The following ARL15 variants were observed in gnomAD, a reference collection of about 807,000 sequenced individuals.
ARL15 encodes the protein ADP-ribosylation factor-like protein 15.
In ARL15, 19 loss-of-function variants were observed where a neutral mutation model predicts 25.2. The ratio of observed to expected loss-of-function variants is 0.75; its 90% CI spans 0.53 to 1.10. The LOEUF is 1.10. Ranked by LOEUF, ARL15 falls within the 50% of genes least tolerant of loss-of-function variation. The pLI is 0.00. For synonymous variants in ARL15, 94 were observed against 86.8 expected (o/e 1.08, Z -0.46); for missense variants, 220 against 246.0 (o/e 0.89, Z 0.71).
intron 4 of ARL15, among the ~76,000 whole-genome samples, chr5:53,983,678 C>A (rs1004364048): frequency 2.6e-5 from 4 of 152,096 alleles, no homozygotes; most frequent in African/African-American, 4.8e-5. Context: ...GCCCTTAATT[C>A]CCCCTTTTAA....
At position 53,886,506 on chromosome 5, in the gene ARL15, G is replaced by C; in HGVS notation, c.*55C>G. 1 of 1,502,346 alleles carries C rather than the reference G, an allele frequency of 6.7e-7. No individual in the cohort carries two copies. Among genetic ancestry groups the C allele is most frequent in the Middle Eastern group, 1.8e-4 (1 of 5,522 alleles). 93.1% of individuals were successfully genotyped at this position (1,502,346 alleles called of 1,614,324 possible). A position where few individuals can be genotyped will look rare whatever the true frequency, so the allele number is the denominator to read the frequency against. On this transcript the variant is annotated 3_prime_UTR_variant, in exon 5 of 5. Transcript: ENST00000504924. ...TGATACCAAAATAAAATTAAAATGA[G>C]AAACTAACATGATAGGTTCAAGGCC...
At chr5:54,048,505 C>A (rs57068431) in intron 4 of ARL15, among the ~76,000 whole-genome samples, 1 of 150,204 alleles carries the variant, frequency 6.7e-6, no homozygotes, top group Non-Finnish European at 1.5e-5. Context: ...TGGGTTCAAG[C>A]GATTCTCCTG....
At chr5:53,910,633 T>TTA (rs70986649) in intron 4 of ARL15, among the ~76,000 whole-genome samples, 3,272 of 54,802 alleles carry the variant, frequency 0.06, 74 homozygotes, top group East Asian at 0.12. Context: ...TAAAAAAAAA[T>TTA]TATATATATA....
Position 54,180,090 on chromosome 5 carries a change from A to G in ARL15, c.49-8162T>C, listed in dbSNP as rs146842142. ...TCCAACCCTAAGCACAGCAGTAAGGAAAAAAATCTCTTTTGAAACAGCCTC... is the reference window on the plus strand; with the variant it reads ...TCCAACCCTAAGCACAGCAGTAAGGGAAAAAATCTCTTTTGAAACAGCCTC... On this transcript the variant is annotated intron_variant, in intron 1 of 4. Transcript: ENST00000504924. Among the ~76,000 whole-genome samples, 905 of 152,078 alleles carry G rather than the reference A, an allele frequency of 6.0e-3. 13 individuals are homozygous for G. Among genetic ancestry groups the G allele is most frequent in the African/African-American group, 0.021 (853 of 41,500 alleles).
intron 4 of ARL15, among the ~76,000 whole-genome samples, chr5:53,969,028 T>C (rs1159722094): frequency 6.6e-6 from 1 of 151,848 alleles, no homozygotes; most frequent in Non-Finnish European, 1.5e-5. Context: ...CAGGTGCCTG[T>C]AATCTCAGCT....
chr5:54,214,987 C>T (rs1756146859), intron 1 of ARL15, among the ~76,000 whole-genome samples: 1 of 151,942 alleles, frequency 6.6e-6, no homozygotes, highest in South Asian at 2.1e-4. Flanking sequence ...CATGAAAGGG[C>T]AAAATCTGGC....
At chr5:54,272,288 G>A (rs1034017551) in intron 1 of ARL15, among the ~76,000 whole-genome samples, 6 of 151,676 alleles carry the variant, frequency 4.0e-5, no homozygotes, top group Admixed American at 6.6e-5. Context: ...CCCAAACTAC[G>A]GATATGAGTA....
chr5:54,088,461 T>C (rs1579785935), intron 4 of ARL15, among the ~76,000 whole-genome samples: 1 of 152,204 alleles, frequency 6.6e-6, no homozygotes, highest in East Asian at 1.9e-4. Context: ...AATCATCTAT[T>C]TGGCCATTGA....
At chr5:53,913,326 T>C (rs1745527022) in intron 4 of ARL15, among the ~76,000 whole-genome samples, 1 of 152,152 alleles carries the variant, frequency 6.6e-6, no homozygotes, top group Non-Finnish European at 1.5e-5. Context: ...AAAGCAGGGT[T>C]GTCATCTCTC....
At chr5:54,273,292 G>T (rs28712367) in intron 1 of ARL15, among the ~76,000 whole-genome samples, 4,948 of 152,232 alleles carry the variant, frequency 0.033, 160 homozygotes, top group African/African-American at 0.082. Flanking sequence ...ACTTAAAAAA[G>T]CAACACCAAT....
chr5:54,164,700 C>T (rs755087038), intron 2 of ARL15, among the ~76,000 whole-genome samples: 9 of 151,934 alleles, frequency 5.9e-5, no homozygotes, highest in Non-Finnish European at 1.3e-4. Flanking sequence ...CTAGTGTTAG[C>T]ATGATGTATC....
At chr5:54,130,627 G>A (rs1753399579) in intron 3 of ARL15, among the ~76,000 whole-genome samples, 1 of 152,160 alleles carries the variant, frequency 6.6e-6, no homozygotes, top group Non-Finnish European at 1.5e-5. Context: ...GTCAAAATTA[G>A]TTGTATTAGT....
At chr5:54,009,665 A>G (rs1170249179) in intron 4 of ARL15, among the ~76,000 whole-genome samples, 2 of 152,238 alleles carry the variant, frequency 1.3e-5, no homozygotes, top group Non-Finnish European at 2.9e-5. Flanking sequence ...TTTTTCTATA[A>G]GAACAATAAT....
At chr5:54,201,205 C>A (rs983109357) in intron 1 of ARL15, among the ~76,000 whole-genome samples, 5 of 152,022 alleles carry the variant, frequency 3.3e-5, no homozygotes, top group African/African-American at 1.2e-4. Flanking sequence ...AGTTTCTTTT[C>A]CCAGGTGCAC....
At chr5:54,120,572 C>T (rs1753040826) in intron 3 of ARL15, among the ~76,000 whole-genome samples, 3 of 152,146 alleles carry the variant, frequency 2.0e-5, no homozygotes. Flanking sequence ...GAAATGTTCC[C>T]TTCCGTACTC....
intron 4 of ARL15, among the ~76,000 whole-genome samples, chr5:53,964,659 C>T (rs943128209): frequency 4.6e-4 from 70 of 152,334 alleles, no homozygotes; most frequent in African/African-American, 1.7e-3. Flanking sequence ...CGCACCTGGC[C>T]TCTATACTGG....
chr5:54,063,051 A>G lies in ARL15; in HGVS notation c.462+50151T>C, dbSNP rs547797495. The stretch of plus-strand genomic sequence containing the variant: ...GCTCTCACAATAATGCTTTCACAGT[A>G]GAATCATTCTACATAACTTCAAAAA... On this transcript the variant is annotated intron_variant, in intron 4 of 4. Coordinates refer to ENST00000504924, the MANE Select transcript of ARL15 (RefSeq NM_019087.3). Among the ~76,000 whole-genome samples the G allele has an allele frequency of 2.0e-5, 3 of 152,358 alleles. No homozygotes were observed. The South Asian group carries it at 6.2e-4, about 32-fold the overall frequency.
intron 4 of ARL15, among the ~76,000 whole-genome samples, chr5:53,928,798 T>C (rs1457784740): frequency 1.3e-5 from 2 of 152,182 alleles, no homozygotes; most frequent in African/African-American, 4.8e-5. Flanking sequence ...GTGCTGTCTT[T>C]TCTCTCACTT....
chr5:53,887,535 T>A (rs1744572653), intron 4 of ARL15, among the ~76,000 whole-genome samples: 1 of 152,154 alleles, frequency 6.6e-6, no homozygotes, highest in Non-Finnish European at 1.5e-5. Context: ...AAATAGCAAA[T>A]TATTATGGCT....
Sources: gnomAD v4.1 joint callset for allele counts (sites outside exome capture counted in the v4.1 genomes callset) on GRCh38, gnomAD v4.1.1 for gene constraint, MANE v1.5 for transcripts, NCBI Gene and HGNC (gene_info 2026-07-23, HGNC 2026-07-21) for gene names.